ZHX3: variants seen among roughly 807,000 people sequenced by gnomAD.
The protein encoded by ZHX3 is zinc fingers and homeoboxes protein 3.
A neutral mutation model predicts 64.5 loss-of-function variants in ZHX3; 20 were observed. The ratio of observed to expected loss-of-function variants is 0.31; its 90% confidence interval spans 0.22 to 0.45. The LOEUF (loss-of-function observed/expected upper bound fraction) is 0.45. ZHX3 is among the 20% of genes least tolerant of loss of function. The probability of loss-of-function intolerance (pLI) is 1.00; values close to 1 mark genes in which losing one functional copy is unlikely to be tolerated. For missense variants in ZHX3, 1,041 were observed against 1,195.8 expected (o/e 0.87, Z 1.91); for synonymous variants, 423 against 461.6 (o/e 0.92, Z 1.07).
intron 3 of ZHX3, among the ~76,000 whole-genome samples, chr20:41,192,465 G>A (rs1020092263): frequency 1.3e-5 from 2 of 152,232 alleles, no homozygotes; most frequent in Non-Finnish European, 2.9e-5. Flanking sequence ...TTCCATTGGA[G>A]AGCACAGGGT....
chr20:41,312,200 C>A (rs1281318020), intron 1 of ZHX3, among the ~76,000 whole-genome samples: 1 of 152,014 alleles, frequency 6.6e-6, no homozygotes, highest in African/African-American at 2.4e-5. Context: ...CTGTAGCTAG[C>A]TAGAGGTTTG....
chr20:41,264,385 C>CA (rs1165922837), intron 2 of ZHX3, among the ~76,000 whole-genome samples: 37,690 of 74,722 alleles, frequency 0.5, 8,709 homozygotes, highest in East Asian at 0.73. Context: ...ACCAAAAATA[C>CA]AAAAAAAAAA....
chr20:41,262,221 T>C (rs1226336670), intron 2 of ZHX3, among the ~76,000 whole-genome samples: 1 of 152,200 alleles, frequency 6.6e-6, no homozygotes, highest in Non-Finnish European at 1.5e-5. Context: ...AGGCTGTGCT[T>C]CACATGACAG....
At chr20:41,285,160 C>A (rs2043876259) in intron 1 of ZHX3, among the ~76,000 whole-genome samples, 1 of 152,046 alleles carries the variant, frequency 6.6e-6, no homozygotes, top group Non-Finnish European at 1.5e-5. Context: ...ACTATAATTT[C>A]TTTTTATTCC....
At chr20:41,246,236 G>C (rs1019702439) in intron 2 of ZHX3, among the ~76,000 whole-genome samples, 48 of 152,224 alleles carry the variant, frequency 3.2e-4, no homozygotes, top group African/African-American at 1.1e-3. Flanking sequence ...ATACTAAAAG[G>C]TATGTTTTCT....
rs1402383853 is a variant in ZHX3 at position 41,226,626 on chromosome 20, C to T, written c.-150-21560G>A. ...GCAGAAATCACAGGAGTCATCAATT[C>T]GTCTTTACCTTTTTTGATCCTGTCA... On this transcript the variant is annotated intron_variant, in intron 2 of 3. Coordinates refer to ENST00000683867, the MANE Select transcript of ZHX3 (RefSeq NM_001384317.1). The surrounding 1 kb of genome is among the most constrained non-coding windows in gnomAD (Gnocchi z 4.4). Among the ~76,000 whole-genome samples, 2 of 152,160 alleles carry T rather than the reference C, an allele frequency of 1.3e-5. No homozygotes were observed. Among genetic ancestry groups the T allele is most frequent in the Non-Finnish European group, 2.9e-5 (2 of 68,020 alleles).
At chr20:41,227,244 G>C (rs1311867360) in intron 2 of ZHX3, among the ~76,000 whole-genome samples, 1 of 152,160 alleles carries the variant, frequency 6.6e-6, no homozygotes, top group Non-Finnish European at 1.5e-5. Context: ...GCATTGGGAG[G>C]CTTCTGAAGA....
intron 2 of ZHX3, among the ~76,000 whole-genome samples, chr20:41,234,519 T>C (rs781027226): frequency 6.6e-6 from 1 of 152,196 alleles, no homozygotes; most frequent in Non-Finnish European, 1.5e-5. Context: ...GGGACAGATA[T>C]TCCTGTCCTC....
In ZHX3 at chr20:41,185,835, A is replaced by T. The variant is rs1325057738; in HGVS notation, c.2861-634T>A. 1 of 152,466 alleles carries T rather than the reference A, an allele frequency of 6.6e-6. No homozygotes were observed. Among genetic ancestry groups the T allele is most frequent in the Admixed American group, 6.5e-5 (1 of 15,294 alleles). 9.4% of individuals were successfully genotyped at this position (152,466 alleles called of 1,614,324 possible). A position where few individuals can be genotyped will look rare whatever the true frequency, so the allele number is the denominator to read the frequency against. On this transcript the variant is annotated intron_variant, in intron 3 of 3. Transcript: ENST00000683867. The surrounding 1 kb of genome is among the most constrained non-coding windows in gnomAD (Gnocchi z 5.0). ...CAGTTACCTGTCTCAGACAGAAGAG[A>T]ACAATGCCAATGGCAATGGCCACCC...
chr20:41,202,318 T>TC lies in ZHX3; in HGVS notation c.2598dup (p.Asn867GlufsTer4). The stretch of plus-strand genomic sequence containing the variant: ...CTCATCTGGGTCTTGTCACAGAGGT[T>TC]CTGCAGGTCCTCTTCATACAGCATC... On this transcript the variant is annotated frameshift_variant, in exon 3 of 4. Coordinates refer to ENST00000683867, the MANE Select transcript of ZHX3 (RefSeq NM_001384317.1). LOFTEE classifies it high-confidence loss of function. The surrounding 1 kb of genome is among the most constrained non-coding windows in gnomAD (Gnocchi z 7.0). 1 of 1,614,216 alleles carries TC rather than the reference T, an allele frequency of 6.2e-7. No individual in the cohort carries two copies. The highest frequency in any genetic ancestry group is 8.5e-7 in the Non-Finnish European group (1 of 1,180,032).
chr20:41,289,221 C>G (rs1241779593), intron 1 of ZHX3, among the ~76,000 whole-genome samples: 1 of 151,754 alleles, frequency 6.6e-6, no homozygotes, highest in African/African-American at 2.4e-5. Context: ...AGGCTGGTCT[C>G]AACTCCTGGG....
intron 2 of ZHX3, among the ~76,000 whole-genome samples, chr20:41,207,276 G>A (rs1460708419): frequency 6.6e-6 from 1 of 152,100 alleles, no homozygotes; most frequent in Non-Finnish European, 1.5e-5. Context: ...ACATCATAAT[G>A]ACAGGATCAA....
intron 1 of ZHX3, among the ~76,000 whole-genome samples, chr20:41,282,191 G>A (rs1441064066): frequency 6.6e-6 from 1 of 152,114 alleles, no homozygotes; most frequent in Non-Finnish European, 1.5e-5. Flanking sequence ...TTGAGCTCGA[G>A]ACTAATTTTT....
intron 3 of ZHX3, among the ~76,000 whole-genome samples, chr20:41,196,440 ATATTATATATAATATAT>A (rs1460052903): frequency 2.3e-4 from 15 of 65,620 alleles, no homozygotes; most frequent in East Asian, 8.3e-4. Context: ...ATAAATATAT[ATATTATATATAATATAT>A]TTATATATAA....
rs529164010 is a variant in ZHX3 at position 41,241,227 on chromosome 20, G to T, written c.-151+27763C>A. On this transcript the variant is annotated intron_variant, in intron 2 of 3. Transcript: ENST00000683867. The stretch of plus-strand genomic sequence containing the variant: ...CATTTTAACTGGGGTGAGGTGATAT[G>T]TCCTTGTAGTTTTGATTTGCATTTC... 2.6e-5 allele frequency among the ~76,000 whole-genome samples: 4 copies of T among 152,274 alleles called. No individual in the cohort carries two copies. In the East Asian group the frequency reaches 7.7e-4, roughly 29 times the overall value.
chr20:41,206,874 A>G (rs998228069), intron 2 of ZHX3, among the ~76,000 whole-genome samples: 5 of 152,212 alleles, frequency 3.3e-5, no homozygotes, highest in Admixed American at 3.3e-4. Context: ...GAAATGAAGG[A>G]AAAAATGTTA....
Position 41,202,951 on chromosome 20 carries a change from T to G in ZHX3, c.1966A>C (p.Ile656Leu). 6.2e-7 allele frequency: 1 copy of G among 1,614,136 alleles called. No homozygotes were observed. The change falls in exon 3 of 4, where the codon ATT becomes CTT. Residue 656 changes from isoleucine (I) to leucine (L), a missense_variant. By Grantham distance (5) the Ile-to-Leu change is conservative. Coordinates refer to ENST00000683867, the MANE Select transcript of ZHX3 (RefSeq NM_001384317.1). This position sits in a 1 kb window ranked among gnomAD's most constrained non-coding sequence, Gnocchi z 7.0. ...CGTCTCTCTGAAAACCAGCTATCAA[T>G]TTCTCGTCGGGTCATTTTGGTTTCA... is the stretch of plus-strand genomic sequence containing the variant. ...RSETKMTRRE[I>L]DSWFSERRKK...
intron 2 of ZHX3, among the ~76,000 whole-genome samples, chr20:41,209,382 G>T (rs2038981738): frequency 6.6e-6 from 1 of 152,186 alleles, no homozygotes; most frequent in African/African-American, 2.4e-5. Context: ...ACATTGCCAA[G>T]ACTATCCTAA....
intron 1 of ZHX3, among the ~76,000 whole-genome samples, chr20:41,282,359 A>ATGTTTTTTTTTTT (rs1442916638): frequency 1.6e-5 from 1 of 60,688 alleles, no homozygotes; most frequent in Admixed American, 1.6e-4. Context: ...GACACAATTC[A>ATGTTTTTTTTTTT]TCTTTTTTTT....
Sources: allele counts gnomAD v4.1 joint callset (sites outside exome capture counted in the v4.1 genomes callset), GRCh38; gene constraint gnomAD v4.1.1; non-coding constraint Gnocchi (gnomAD v3.1); transcripts MANE v1.5; gene names NCBI Gene and HGNC (gene_info 2026-07-23, HGNC 2026-07-21).